Variants in MYBPHL observed in about 807,000 individuals in gnomAD.
The protein encoded by MYBPHL is myosin binding protein H like, also known as myosin-binding protein H-like.
A neutral mutation model predicts 39.5 loss-of-function variants in MYBPHL; 32 were observed. The ratio of observed to expected loss-of-function variants is 0.81; its 90% CI spans 0.61 to 1.09. The LOEUF is 1.09. Ranked by LOEUF, MYBPHL falls within the 50% of genes least tolerant of loss-of-function variation. The pLI, the probability that MYBPHL is intolerant of heterozygous loss-of-function variation, is 0.00. For synonymous variants in MYBPHL, 196 were observed against 183.7 expected (o/e 1.07, Z -0.54); for missense variants, 456 against 460.2 (o/e 0.99, Z 0.08).
At chr1:109,296,093 C>A in intron 6 of MYBPHL, 141 bp downstream of exon 6, 1 of 1,047,676 alleles carries the variant, frequency 9.5e-7, no homozygotes, top group Non-Finnish European at 1.4e-6. Context: ...CCCGACTGTT[C>A]CTAAATACCG....
At chr1:109,302,073 ATGTG>A (rs563038727) in intron 1 of MYBPHL, among the ~76,000 whole-genome samples, 34 of 151,074 alleles carry the variant, frequency 2.3e-4, no homozygotes, top group Admixed American at 4.6e-4. Context: ...ATGTGTGTGA[ATGTG>A]TGTGTTTGTG....
At chr1:109,295,836 A>T (rs1174918514) in intron 6 of MYBPHL, among the ~76,000 whole-genome samples, 1 of 152,236 alleles carries the variant, frequency 6.6e-6, no homozygotes, top group Non-Finnish European at 1.5e-5. Context: ...GTAAATAGAC[A>T]GAGAGCCTTG....
intron 1 of MYBPHL, among the ~76,000 whole-genome samples, chr1:109,303,650 A>G (rs560927302): frequency 1.3e-5 from 2 of 152,070 alleles, no homozygotes; most frequent in Admixed American, 6.5e-5. Flanking sequence ...TCTCATTCCC[A>G]GTTGTCGATC....
At chr1:109,296,717 G>A in intron 5 of MYBPHL, 66 bp downstream of exon 5, 1 of 1,587,780 alleles carries the variant, frequency 6.3e-7, no homozygotes, top group Non-Finnish European at 8.6e-7. Flanking sequence ...GGAATTAGAG[G>A]CGTGAGCCAC....
intron 2 of MYBPHL, 140 bp from the exon 3 acceptor site, chr1:109,297,757 C>T: frequency 1.4e-6 from 1 of 737,412 alleles, no homozygotes; most frequent in South Asian, 2.0e-5. Flanking sequence ...AGTTGGTGGA[C>T]CCTCCCGGGG....
intron 1 of MYBPHL, among the ~76,000 whole-genome samples, chr1:109,299,645 C>A (rs1658214716): frequency 6.6e-6 from 1 of 152,212 alleles, no homozygotes; most frequent in South Asian, 2.1e-4. Context: ...TCTGCAGTTT[C>A]CTTCTGTGCT....
chr1:109,292,871 T>C (rs1407077509), intron 8 of MYBPHL: 1 of 152,248 alleles, frequency 6.6e-6, no homozygotes, highest in Non-Finnish European at 1.5e-5. Context: ...TGTCTCAAGC[T>C]TCTTTTTCGC....
In MYBPHL at chr1:109,294,224, C is replaced by T. The variant is rs754834308; in HGVS notation, c.*15G>A. The T allele has an allele frequency of 1.6e-5, 25 of 1,604,692 alleles. No individual in the cohort carries two copies. In the Admixed American group the frequency reaches 3.3e-4, roughly 21 times the overall value. The stretch of plus-strand genomic sequence containing the variant: ...TACTTACCTTTGTCAGAGTACCATG[C>T]CTTCTTAGGTGTCCTCAATTAGGAA... On this transcript the variant is annotated 3_prime_UTR_variant, in exon 8 of 9. Coordinates refer to ENST00000357155, the MANE Select transcript of MYBPHL (RefSeq NM_001010985.3).
rs1017037850 is a variant in MYBPHL, at chr1:109,306,843, T to C, written c.145+4A>G. On this transcript the variant is annotated splice_donor_region_variant and intron_variant, in intron 1 of 8. Transcript: ENST00000357155. ...CCCCACCCTCCCCACCTGCCATGGG[T>C]CACCTTCTATAGGGGGCAGGAGCTG... 20 of 1,555,548 alleles carry C rather than the reference T, an allele frequency of 1.3e-5. No homozygotes were observed. Among genetic ancestry groups the C allele is most frequent in the Admixed American group, 6.3e-5 (3 of 47,298 alleles).
At position 109,295,199 on chromosome 1, in the gene MYBPHL, C is replaced by T. The variant is rs1369986838; in HGVS notation, c.966G>A (p.Lys322=). Residue 322 remains lysine, a synonymous_variant, in exon 7 of 9, where the codon AAG becomes AAA. Coordinates refer to ENST00000357155, the MANE Select transcript of MYBPHL (RefSeq NM_001010985.3). ...HLGICSLEIR[K]PGPFDGGIYT... ...AGATGCCTCCATCAAAGGGACCCGG[C>T]TTGCGGATCTCTAGGGAGCAGATTC... The T allele has an allele frequency of 6.2e-7, 1 of 1,614,070 alleles. No homozygotes were observed. Among genetic ancestry groups the T allele is most frequent in the East Asian group, 2.2e-5 (1 of 44,896 alleles).
In MYBPHL at chr1:109,298,183, G is replaced by C; in HGVS notation, c.220C>G (p.Leu74Val). The change falls in exon 2 of 9, where the codon CTA (leucine) becomes GTA (valine). Residue 74 changes from leucine to valine, a missense_variant. Physicochemically the swap from Leu to Val is conservative, Grantham distance 32 (BLOSUM62 1). Transcript: ENST00000357155. ...GGCATGATCACCTGGAATGGGATTAGTAGGTTCACTGTGTCCCCAACCTTC... is the reference window on the plus strand; with the variant it reads ...GGCATGATCACCTGGAATGGGATTACTAGGTTCACTGTGTCCCCAACCTTC... ...IRKVGDTVNL[L>V]IPFQGKPKPQ... 1 of 1,609,708 alleles carries C rather than the reference G, an allele frequency of 6.2e-7. No homozygotes were observed. Among genetic ancestry groups the C allele is most frequent in the Non-Finnish European group, 8.5e-7 (1 of 1,178,182 alleles).
At chr1:109,298,345 A>C (rs1482185794) in intron 1 of MYBPHL, 88 bp from the exon 2 acceptor site, 5 of 1,181,006 alleles carry the variant, frequency 4.2e-6, no homozygotes, top group Non-Finnish European at 6.1e-6. Flanking sequence ...TGAGTGGCCC[A>C]GGAATCGGTC....
chr1:109,305,527 G>T (rs2101493343), intron 1 of MYBPHL, among the ~76,000 whole-genome samples: 1 of 152,326 alleles, frequency 6.6e-6, no homozygotes, highest in South Asian at 2.1e-4. Flanking sequence ...ACTCTCCCTT[G>T]TGCTTTTGGG....
intron 1 of MYBPHL, among the ~76,000 whole-genome samples, chr1:109,300,469 T>C (rs901102727): frequency 2.6e-5 from 4 of 152,180 alleles, no homozygotes; most frequent in Non-Finnish European, 4.4e-5. Flanking sequence ...CCTTCATGCC[T>C]GACAGAAGTG....
chr1:109,293,552 G>C (rs1657936663), intron 8 of MYBPHL, among the ~76,000 whole-genome samples: 1 of 151,348 alleles, frequency 6.6e-6, no homozygotes, highest in African/African-American at 2.4e-5. Flanking sequence ...GACCATCCTG[G>C]TTAACACAGT....
chr1:109,296,632 T>G, intron 5 of MYBPHL, 151 bp downstream of exon 5: 1 of 950,034 alleles, frequency 1.1e-6, no homozygotes, highest in Non-Finnish European at 1.6e-6. Context: ...AGAGATGAGG[T>G]TTCACCATGT....
In MYBPHL at chr1:109,295,122, A is replaced by T; in HGVS notation, c.1043T>A (p.Val348Glu). ...PLGEASVDCR[V>E]DVKVPN ...CCTCTTGCCCTTACCTTTCACATCC[A>T]CCCGACAGTCCACAGATGCCTCCCC... is the stretch of plus-strand genomic sequence containing the variant. The change falls in exon 7 of 9, where the codon GTG becomes GAG. Residue 348 changes from valine to glutamate, a missense_variant. Val to Glu is a moderately radical substitution (Grantham distance 121). Coordinates refer to ENST00000357155, the MANE Select transcript of MYBPHL (RefSeq NM_001010985.3). The T allele has an allele frequency of 1.2e-6, 2 of 1,613,144 alleles. No individual in the cohort carries two copies. Among genetic ancestry groups the T allele is most frequent in the Non-Finnish European group, 1.7e-6 (2 of 1,179,884 alleles).
intron 1 of MYBPHL, among the ~76,000 whole-genome samples, chr1:109,301,930 C>G (rs560510438): frequency 6.6e-6 from 1 of 152,220 alleles, no homozygotes; most frequent in Non-Finnish European, 1.5e-5. Flanking sequence ...CAGAGGCTCC[C>G]TAGGGGCTGT....
chr1:109,296,119 A>G, intron 6 of MYBPHL, 115 bp downstream of exon 6: 1 of 1,325,754 alleles, frequency 7.5e-7, no homozygotes, highest in Admixed American at 2.2e-5. Flanking sequence ...TAGAAGAGGC[A>G]GATGGCGGTG....
Sources: gnomAD v4.1 joint callset for allele counts (sites outside exome capture counted in the v4.1 genomes callset) on GRCh38, gnomAD v4.1.1 for gene constraint, MANE v1.5 for transcripts, NCBI Gene and HGNC (gene_info 2026-07-23, HGNC 2026-07-21) for gene names.